THADA: variants seen among roughly 807,000 people sequenced by gnomAD.
The protein encoded by THADA is tRNA (32-2'-O)-methyltransferase regulator THADA.
A neutral mutation model predicts 219.8 loss-of-function variants in THADA; 213 were observed. That is an observed-to-expected ratio of 0.97 (90% CI 0.87 to 1.09). THADA has a LOEUF of 1.09. Ranked by LOEUF, THADA falls within the 50% of genes least tolerant of loss-of-function variation. THADA has a pLI of 0.00. For synonymous variants in THADA, 1,018 were observed against 828.9 expected (o/e 1.23, Z -3.92); for missense variants, 2,956 against 2,311.3 (o/e 1.28, Z -5.72).
At chr2:43,440,394 T>C (rs1167872835) in intron 26 of THADA, among the ~76,000 whole-genome samples, 1 of 152,218 alleles carries the variant, frequency 6.6e-6, no homozygotes, top group African/African-American at 2.4e-5. Context: ...TGATTATATG[T>C]ACATTTCCTT....
In THADA at chr2:43,279,802, T is replaced by C; in HGVS notation, c.5259A>G (p.Thr1753=). Residue 1753 remains threonine (T), a synonymous_variant, in exon 36 of 38, where the codon ACA becomes ACG. Transcript: ENST00000405975. ...AGGTATTTTCTTGTGACATGGCAGTTGTCACGGTTTCCGTGGCTGCATCTC... is the reference window on the plus strand; with the variant it reads ...AGGTATTTTCTTGTGACATGGCAGTCGTCACGGTTTCCGTGGCTGCATCTC... ...AVRDAATETV[T]TAMSQENTCQ... is the part of the protein sequence containing the mutation. 2.6e-6 allele frequency: 4 copies of C among 1,553,544 alleles called. No homozygotes were observed. The highest frequency in any genetic ancestry group is 3.5e-6 in the Non-Finnish European group (4 of 1,148,114).
At chr2:43,257,290 A>T (rs1387345065) in intron 36 of THADA, among the ~76,000 whole-genome samples, 1 of 152,240 alleles carries the variant, frequency 6.6e-6, no homozygotes, top group East Asian at 1.9e-4. Flanking sequence ...TCCCACTGGG[A>T]GAGGCAGAGA....
chr2:43,232,575 A>G, intron 37 of THADA, 138 bp downstream of exon 37: 1 of 907,570 alleles, frequency 1.1e-6, no homozygotes, highest in South Asian at 1.7e-5. Context: ...CCTCGGCAGC[A>G]CCCAGTGGGT....
chr2:43,360,538 TC>T (rs1669389288), intron 29 of THADA, among the ~76,000 whole-genome samples: 1 of 152,220 alleles, frequency 6.6e-6, no homozygotes, highest in Non-Finnish European at 1.5e-5. Flanking sequence ...TGTTCATCTT[TC>T]CCCAAGCTCA....
In THADA at chr2:43,428,108, G is replaced by C; in HGVS notation, c.4050C>G (p.Phe1350Leu). The change falls in exon 28 of 38, where the codon TTC becomes TTG. Residue 1350 changes from phenylalanine (F) to leucine (L), a missense_variant. Coordinates refer to ENST00000405975, the MANE Select transcript of THADA (RefSeq NM_022065.5). The part of the protein sequence containing the change: ...SALSMGPFVP[F>L]IMRCGHSPVY... ...ACACAGCATGACACTACCTCATAAT[G>C]AAGGGAACAAAAGGTCCCATGCTGA... The C allele has an allele frequency of 6.2e-7, 1 of 1,608,160 alleles. No homozygotes were observed. The highest frequency in any genetic ancestry group is 8.5e-7 in the Non-Finnish European group (1 of 1,176,584).
At chr2:43,581,472 A>T (rs1482683728) in intron 8 of THADA, among the ~76,000 whole-genome samples, 2 of 150,404 alleles carry the variant, frequency 1.3e-5, no homozygotes, top group Non-Finnish European at 3.0e-5. Flanking sequence ...GAAACCCAAC[A>T]TGCAGAGGTT....
In THADA at chr2:43,231,299, C is replaced by G; in HGVS notation, c.5511G>C (p.Trp1837Cys). ...ATTTCACAAAGATCAGGGTCTCGGC[C>G]CAAAAGTTGACTTCTGCTTTTTCAA... ...YLFEKAEVNF[W>C]AETLIFVKYL... is the part of the protein sequence containing the mutation. The change falls in exon 38 of 38, where the codon TGG becomes TGC. Residue 1837 changes from tryptophan to cysteine, a missense_variant. Trp to Cys is a radical substitution (Grantham distance 215, BLOSUM62 -2). Coordinates refer to ENST00000405975, the MANE Select transcript of THADA (RefSeq NM_022065.5). The G allele has an allele frequency of 6.3e-7, 1 of 1,576,184 alleles. No individual in the cohort carries two copies. Among genetic ancestry groups the G allele is most frequent in the Non-Finnish European group, 8.6e-7 (1 of 1,165,864 alleles).
At chr2:43,274,453 C>A (rs1182003272) in intron 36 of THADA, among the ~76,000 whole-genome samples, 1 of 152,136 alleles carries the variant, frequency 6.6e-6, no homozygotes, top group Non-Finnish European at 1.5e-5. Flanking sequence ...AAATTGAGCA[C>A]CCACTGTGTA....
intron 35 of THADA, among the ~76,000 whole-genome samples, chr2:43,281,512 G>A (rs1011357238): frequency 6.7e-6 from 1 of 148,488 alleles, no homozygotes; most frequent in Non-Finnish European, 1.5e-5. Context: ...GGCAATCTTG[G>A]CTCACCGCAA....
At chr2:43,487,571 G>A (rs1309808333) in intron 25 of THADA, among the ~76,000 whole-genome samples, 1 of 152,200 alleles carries the variant, frequency 6.6e-6, no homozygotes, top group African/African-American at 2.4e-5. Flanking sequence ...TCCTGATATG[G>A]TCTGAATATT....
At chr2:43,520,149 C>T (rs1574059765) in intron 22 of THADA, among the ~76,000 whole-genome samples, 2 of 152,196 alleles carry the variant, frequency 1.3e-5, no homozygotes, top group African/African-American at 4.8e-5. Flanking sequence ...TTTGAGCCAA[C>T]TCTATGTAGT....
chr2:43,572,968 A>G lies in THADA; in HGVS notation c.1754T>C (p.Leu585Ser). ...AGCCCCCCTGCTATTACAAGACCCT[A>G]AGGATGGGAAAGATTGCTCTTGTCC... ...KTGQEQSFPS[L>S]GSCNSRGALG... is the part of the protein sequence containing the mutation. The change falls in exon 12 of 38, where the codon TTA (leucine) becomes TCA (serine). Residue 585 changes from leucine (L) to serine (S), a missense_variant. Coordinates refer to ENST00000405975, the MANE Select transcript of THADA (RefSeq NM_022065.5). 1.9e-6 allele frequency: 3 copies of G among 1,613,714 alleles called. No homozygotes were observed. The South Asian group carries it at 3.3e-5, about 18-fold the overall frequency.
At chr2:43,388,854 AT>A (rs907808351) in intron 29 of THADA, among the ~76,000 whole-genome samples, 49 of 152,276 alleles carry the variant, frequency 3.2e-4, no homozygotes, top group African/African-American at 1.1e-3. Context: ...TACAACATTA[AT>A]TTTTTTAAAC....
chr2:43,570,447 G>C lies in THADA; in HGVS notation c.2128C>G (p.Arg710Gly). ...LYKLEQSKSK[R>G]EPENELTKQH... ...TTGGTTAACTCATTCTCTGGTTCAC[G>C]TTTGGATTTACTCTGCTCCAATTTA... The change falls in exon 14 of 38, where the codon CGT becomes GGT. Residue 710 changes from arginine (R) to glycine (G), a missense_variant. By Grantham distance (125) the Arg-to-Gly change is moderately radical. Coordinates refer to ENST00000405975, the MANE Select transcript of THADA (RefSeq NM_022065.5). 6.2e-7 allele frequency: 1 copy of C among 1,613,468 alleles called. No individual in the cohort carries two copies. The highest frequency in any genetic ancestry group is 8.5e-7 in the Non-Finnish European group (1 of 1,179,616).
intron 29 of THADA, among the ~76,000 whole-genome samples, chr2:43,353,801 A>C (rs1668558802): frequency 6.7e-6 from 1 of 149,620 alleles, no homozygotes; most frequent in African/African-American, 2.5e-5. Context: ...GACTACAGGC[A>C]TGGGCCACCA....
chr2:43,584,742 T>G (rs928309003), intron 7 of THADA, among the ~76,000 whole-genome samples: 1 of 152,224 alleles, frequency 6.6e-6, no homozygotes, highest in Non-Finnish European at 1.5e-5. Flanking sequence ...GCCATTTGAT[T>G]TGTAGTCCCA....
At chr2:43,583,569 CAAAAGAGCT>C (rs1700685162) in intron 7 of THADA, among the ~76,000 whole-genome samples, 1 of 152,108 alleles carries the variant, frequency 6.6e-6, no homozygotes, top group Non-Finnish European at 1.5e-5. Context: ...CGTATATACC[CAAAAGAGCT>C]AAAAGCAGAG....
chr2:43,368,546 G>A (rs1014570157), intron 29 of THADA, among the ~76,000 whole-genome samples: 2 of 151,904 alleles, frequency 1.3e-5, no homozygotes, highest in African/African-American at 4.8e-5. Context: ...GCAGGTGTGT[G>A]CCAGCCACCA....
intron 31 of THADA, among the ~76,000 whole-genome samples, chr2:43,302,697 C>T (rs1275607483): frequency 1.3e-5 from 2 of 150,708 alleles, no homozygotes; most frequent in Non-Finnish European, 1.5e-5. Context: ...GTCTCTTATG[C>T]CCCAAAAGGG....
Sources: allele counts gnomAD v4.1 joint callset (sites outside exome capture counted in the v4.1 genomes callset), GRCh38; gene constraint gnomAD v4.1.1; transcripts MANE v1.5; gene names NCBI Gene and HGNC (gene_info 2026-07-23, HGNC 2026-07-21).